Variants in GRIA3 observed in about 807,000 individuals in gnomAD.
GRIA3 encodes glutamate receptor 3.
In GRIA3, 3 loss-of-function variants were observed where a neutral mutation model predicts 63.0. That is an observed-to-expected ratio of 0.05 (90% CI 0.02 to 0.12). GRIA3 has a LOEUF of 0.12. Among genes scored for constraint, GRIA3 ranks in the 10% least tolerant of loss-of-function variants. The pLI is 1.00. For synonymous variants in GRIA3, 274 were observed against 257.9 expected, an observed-to-expected ratio of 1.06 and a Z score of -0.60; for missense variants, 347 against 700.9, an observed-to-expected ratio of 0.50 and a Z score of 5.70.
At position 123,403,348 on chromosome X, in the gene GRIA3, A is replaced by T; in HGVS notation, c.1186-64A>T. On this transcript the variant is annotated intron_variant, in intron 8 of 15. Coordinates refer to ENST00000620443, the MANE Select transcript of GRIA3 (RefSeq NM_007325.5). ...AAGTTTTGTTCCACAACAGCACTTC[A>T]ATTTCATGCAGTACTTTTCTGAGGG... 3.9e-6 allele frequency: 3 copies of T among 762,384 alleles called. No individual in the cohort carries two copies. In the East Asian group the frequency reaches 9.5e-5, roughly 24 times the overall value. The allele number at this position is 762,384 out of a possible 1,213,427, so 62.8% of individuals were successfully genotyped here.
intron 4 of GRIA3, among the ~76,000 whole-genome samples, chrX:123,331,503 C>T (rs968163475): frequency 6.3e-5 from 7 of 111,508 alleles, no homozygotes; most frequent in Non-Finnish European, 1.3e-4. Flanking sequence ...CTGTTGCCTA[C>T]AGCTGGACCT....
chrX:123,280,830 C>A, intron 3 of GRIA3, among the ~76,000 whole-genome samples: 1 of 111,798 alleles, frequency 8.9e-6, no homozygotes. Flanking sequence ...GACAATTATG[C>A]TAACTGAAGT....
At position 123,397,684 on chromosome X, in the gene GRIA3, T is replaced by G. The variant is rs1427230500; in HGVS notation, c.913-952T>G. Among the ~76,000 whole-genome samples the G allele has an allele frequency of 3.6e-5, 4 of 112,121 alleles. No individual in the cohort carries two copies. In the East Asian group the frequency reaches 1.1e-3, roughly 31 times the overall value. ...TAATTGATAGTTGTAGAGGCAATAA[T>G]CTATTCACTCCCAATTGTATTTGGA... On this transcript the variant is annotated intron_variant, in intron 6 of 15. Transcript: ENST00000620443.
intron 2 of GRIA3, among the ~76,000 whole-genome samples, chrX:123,224,420 C>T (rs916386828): frequency 8.9e-6 from 1 of 111,756 alleles, no homozygotes; most frequent in African/African-American, 3.3e-5. Context: ...TCTGCTCCTT[C>T]TCTTCTATTA....
At chrX:123,186,053 G>A in intron 2 of GRIA3, 63 bp downstream of exon 2, 1 of 949,510 alleles carries the variant, frequency 1.1e-6, no homozygotes, top group Non-Finnish European at 1.5e-6. Flanking sequence ...CTTTCTTGTG[G>A]CACTTAGGGT....
intron 11 of GRIA3, among the ~76,000 whole-genome samples, chrX:123,418,604 T>C (rs934385246): frequency 3.6e-5 from 4 of 112,328 alleles, no homozygotes; most frequent in Non-Finnish European, 7.5e-5. Flanking sequence ...TGAATGGACA[T>C]TTCCCCAAAG....
intron 2 of GRIA3, among the ~76,000 whole-genome samples, chrX:123,213,309 T>C (rs890890444): frequency 8.9e-6 from 1 of 112,545 alleles, no homozygotes; most frequent in Admixed American, 9.4e-5. Context: ...TGACAGAGCA[T>C]TAATGTTTAG....
At chrX:123,301,093 T>C (rs1369912494) in intron 3 of GRIA3, among the ~76,000 whole-genome samples, 2 of 111,413 alleles carry the variant, frequency 1.8e-5, no homozygotes, top group African/African-American at 6.5e-5. Flanking sequence ...TCTGATCACG[T>C]GGTCAATTTT....
At chrX:123,412,916 C>G (rs2045514745) in intron 10 of GRIA3, among the ~76,000 whole-genome samples, 1 of 107,197 alleles carries the variant, frequency 9.3e-6, no homozygotes, top group Non-Finnish European at 1.9e-5. Flanking sequence ...TAGAAAGAAA[C>G]AATCCAGAAA....
At chrX:123,440,011 C>A (rs1459540543) in intron 12 of GRIA3, among the ~76,000 whole-genome samples, 2 of 111,651 alleles carry the variant, frequency 1.8e-5, no homozygotes, top group Non-Finnish European at 3.8e-5. Context: ...GTGTGCTGAT[C>A]ATTTAGCTGC....
At chrX:123,402,658 A>C (rs1569431022) in intron 7 of GRIA3, among the ~76,000 whole-genome samples, 1 of 111,316 alleles carries the variant, frequency 9.0e-6, no homozygotes, top group African/African-American at 3.3e-5. Flanking sequence ...AGTTTAGAAT[A>C]CATTACCCTA....
At chrX:123,387,638 A>G (rs1569428829) in intron 5 of GRIA3, among the ~76,000 whole-genome samples, 1 of 111,874 alleles carries the variant, frequency 8.9e-6, no homozygotes. Flanking sequence ...AGTTTTTATT[A>G]TGAAGGGATG....
intron 4 of GRIA3, among the ~76,000 whole-genome samples, chrX:123,346,845 T>A (rs904013792): frequency 4.5e-5 from 5 of 112,185 alleles, no homozygotes; most frequent in Non-Finnish European, 9.4e-5. Context: ...TCAAAAATGT[T>A]CATTAAAAGA....
intron 3 of GRIA3, among the ~76,000 whole-genome samples, chrX:123,255,460 C>T (rs1196395058): frequency 9.0e-6 from 1 of 110,513 alleles, no homozygotes; most frequent in Non-Finnish European, 1.9e-5. Context: ...ATATCAATTT[C>T]GTTTTCAGAA....
chrX:123,215,588 G>A (rs776149200), intron 2 of GRIA3, among the ~76,000 whole-genome samples: 18 of 111,101 alleles, frequency 1.6e-4, no homozygotes, highest in South Asian at 3.9e-4. Context: ...CCCCTATGTC[G>A]CAATACTGAA....
At chrX:123,292,554 T>C (rs1290234843) in intron 3 of GRIA3, among the ~76,000 whole-genome samples, 1 of 111,147 alleles carries the variant, frequency 9.0e-6, no homozygotes, top group Non-Finnish European at 1.9e-5. Flanking sequence ...GAATGATTTT[T>C]ACTAAGGAAT....
chrX:123,326,003 G>C, intron 3 of GRIA3, 23 bp from the exon 4 acceptor site: 3 of 1,171,263 alleles, frequency 2.6e-6, no homozygotes, highest in Non-Finnish European at 3.5e-6. Flanking sequence ...TTAAATCATT[G>C]AAGCTGTTTT....
chrX:123,316,284 G>A (rs1446028012), intron 3 of GRIA3, among the ~76,000 whole-genome samples: 1 of 111,096 alleles, frequency 9.0e-6, no homozygotes, highest in Non-Finnish European at 1.9e-5. Flanking sequence ...AATAAACATG[G>A]ACAAAAAAAT....
At chrX:123,265,856 C>T (rs2044485199) in intron 3 of GRIA3, among the ~76,000 whole-genome samples, 1 of 111,765 alleles carries the variant, frequency 8.9e-6, no homozygotes, top group Non-Finnish European at 1.9e-5. Flanking sequence ...GATAGATAGG[C>T]GGCAAAAGGA....
Sources: allele counts gnomAD v4.1 joint callset (sites outside exome capture counted in the v4.1 genomes callset), GRCh38; gene constraint gnomAD v4.1.1; transcripts MANE v1.5; gene names NCBI Gene and HGNC (gene_info 2026-07-23, HGNC 2026-07-21).